The following ZNF804A variants were observed in gnomAD, a reference collection of about 807,000 sequenced individuals.
The protein encoded by ZNF804A is zinc finger protein 804A.
ZNF804A carries 2 observed loss-of-function variants against 16.5 expected under a neutral mutation model. The ratio of observed to expected loss-of-function variants is 0.12; its 90% confidence interval spans 0.05 to 0.38. The LOEUF is 0.38. ZNF804A is among the 10% of genes least tolerant of loss of function. The probability of loss-of-function intolerance (pLI) is 0.99; values close to 1 mark genes in which losing one functional copy is unlikely to be tolerated. For missense variants in ZNF804A, 1,473 were observed against 1,390.7 expected (o/e 1.06, Z -0.94); for synonymous variants, 534 against 489.6 (o/e 1.09, Z -1.20).
Position 184,654,749 on chromosome 2 carries a change from G to A in ZNF804A, c.111+55679G>A, listed in dbSNP as rs141305194. Among the ~76,000 whole-genome samples the A allele has an allele frequency of 5.1e-3, 770 of 152,272 alleles. 6 individuals are homozygous for A. Among genetic ancestry groups the A allele is most frequent in the Non-Finnish European group, 6.7e-3 (457 of 68,008 alleles). ...AAGCATATAGGATTCTGGATGTAAT[G>A]CATTGGAATAGCATCATGGTCATCA... is the stretch of plus-strand genomic sequence containing the variant. On this transcript the variant is annotated intron_variant, in intron 1 of 3. Coordinates refer to ENST00000302277, the MANE Select transcript of ZNF804A (RefSeq NM_194250.2).
chr2:184,705,683 A>G (rs1693016811), intron 1 of ZNF804A, among the ~76,000 whole-genome samples: 1 of 152,032 alleles, frequency 6.6e-6, no homozygotes, highest in Non-Finnish European at 1.5e-5. Context: ...TATATGGACT[A>G]TTTTTTAAGA....
At chr2:184,607,585 C>A (rs978022597) in intron 1 of ZNF804A, among the ~76,000 whole-genome samples, 5 of 152,142 alleles carry the variant, frequency 3.3e-5, no homozygotes, top group Admixed American at 2.0e-4. Context: ...CACCAGGTCC[C>A]CCCCTTCCAC....
At chr2:184,624,392 A>C (rs1691466540) in intron 1 of ZNF804A, among the ~76,000 whole-genome samples, 1 of 152,138 alleles carries the variant, frequency 6.6e-6, no homozygotes, top group Admixed American at 6.6e-5. Flanking sequence ...CTTTGATAAA[A>C]ATATAATTTT....
At chr2:184,773,370 GC>G (rs1042195399) in intron 1 of ZNF804A, among the ~76,000 whole-genome samples, 3 of 151,734 alleles carry the variant, frequency 2.0e-5, no homozygotes, top group Non-Finnish European at 4.4e-5. Flanking sequence ...GAGAATCAAT[GC>G]CTCTGGTCTC....
rs1685816245 is a variant in ZNF804A at position 184,937,709 on chromosome 2, A to G, written c.2313A>G (p.Lys771=). ...ATGAATCAGAAAGATTCTATCGAAA[A>G]CGTAGACAACATTCACATTCTTATT... ...VMNESERFYR[K]RRQHSHSYSS... The change falls in exon 4 of 4, where the codon AAA becomes AAG. Residue 771 remains lysine, a synonymous_variant. Coordinates refer to ENST00000302277, the MANE Select transcript of ZNF804A (RefSeq NM_194250.2). The G allele has an allele frequency of 1.2e-6, 2 of 1,613,952 alleles. No individual in the cohort carries two copies. The highest frequency in any genetic ancestry group is 2.2e-5 in the South Asian group (2 of 91,086).
chr2:184,877,766 G>A (rs959185967), intron 2 of ZNF804A, among the ~76,000 whole-genome samples: 2 of 151,894 alleles, frequency 1.3e-5, no homozygotes, highest in African/African-American at 4.8e-5. Flanking sequence ...AAAATGCCAA[G>A]GATCATGAGG....
At chr2:184,620,018 A>T (rs541613036) in intron 1 of ZNF804A, among the ~76,000 whole-genome samples, 1 of 151,824 alleles carries the variant, frequency 6.6e-6, no homozygotes, top group African/African-American at 2.4e-5. Context: ...TATATTTTGT[A>T]GGTTCTTAAC....
At chr2:184,902,565 C>G (rs912538821) in intron 2 of ZNF804A, 2 of 152,010 alleles carry the variant, frequency 1.3e-5, no homozygotes, top group Non-Finnish European at 2.9e-5. Flanking sequence ...ATGACCTTCC[C>G]CTTTTAGTGA....
chr2:184,910,689 A>G (rs1261084791), intron 2 of ZNF804A, among the ~76,000 whole-genome samples: 1 of 151,880 alleles, frequency 6.6e-6, no homozygotes, highest in Non-Finnish European at 1.5e-5. Flanking sequence ...GAGATGGTAT[A>G]TCATTGTGGT....
chr2:184,625,308 T>C (rs970586306), intron 1 of ZNF804A, among the ~76,000 whole-genome samples: 2 of 152,166 alleles, frequency 1.3e-5, no homozygotes, highest in Non-Finnish European at 2.9e-5. Flanking sequence ...TCATTAAGCA[T>C]TTTATTATTG....
chr2:184,843,170 A>G (rs1190215858), intron 1 of ZNF804A, among the ~76,000 whole-genome samples: 1 of 152,176 alleles, frequency 6.6e-6, no homozygotes, highest in African/African-American at 2.4e-5. Flanking sequence ...AGATCACTCC[A>G]TCCTTGAGTG....
chr2:184,851,593 G>T (rs915200803), intron 1 of ZNF804A, among the ~76,000 whole-genome samples: 1 of 151,884 alleles, frequency 6.6e-6, no homozygotes, highest in Non-Finnish European at 1.5e-5. Flanking sequence ...TGCATCTATG[G>T]AGGTTTAGGC....
At position 184,740,528 on chromosome 2, in the gene ZNF804A, T is replaced by G. The variant is rs1693695515; in HGVS notation, c.112-125841T>G. Among the ~76,000 whole-genome samples the G allele has an allele frequency of 2.0e-5, 3 of 152,202 alleles. No homozygotes were observed. The South Asian group carries it at 6.2e-4, about 32-fold the overall frequency. ...CTCAGGCATAGATTTATTAGTTTTTTCAAAATTATCTTTCCCTGTGATTAA... is the reference window on the plus strand; with the variant it reads ...CTCAGGCATAGATTTATTAGTTTTTGCAAAATTATCTTTCCCTGTGATTAA... On this transcript the variant is annotated intron_variant, in intron 1 of 3. Transcript: ENST00000302277.
chr2:184,620,522 T>C (rs1353126884), intron 1 of ZNF804A, among the ~76,000 whole-genome samples: 4 of 151,812 alleles, frequency 2.6e-5, no homozygotes, highest in Admixed American at 2.0e-4. Context: ...ATCTATTTAT[T>C]CATCAGATTG....
chr2:184,875,328 G>A (rs1043319979), intron 2 of ZNF804A, among the ~76,000 whole-genome samples: 1 of 152,114 alleles, frequency 6.6e-6, no homozygotes, highest in Non-Finnish European at 1.5e-5. Context: ...TTTATGAATG[G>A]CTTGGTGCCA....
intron 2 of ZNF804A, among the ~76,000 whole-genome samples, chr2:184,895,243 A>C (rs1652742044): frequency 6.6e-6 from 1 of 151,894 alleles, no homozygotes; most frequent in Middle Eastern, 3.4e-3. Context: ...TGTGTGAGAG[A>C]GAGAGAGAGA....
intron 2 of ZNF804A, among the ~76,000 whole-genome samples, chr2:184,931,889 T>C (rs1481697903): frequency 2.0e-5 from 3 of 152,180 alleles, no homozygotes; most frequent in Admixed American, 6.5e-5. Flanking sequence ...CAACAGCCCC[T>C]AACTCACCTC....
At chr2:184,649,507 A>G (rs948802575) in intron 1 of ZNF804A, among the ~76,000 whole-genome samples, 3 of 152,122 alleles carry the variant, frequency 2.0e-5, no homozygotes, top group Non-Finnish European at 4.4e-5. Flanking sequence ...GAAAGGATAA[A>G]CAAGATTGAT....
At chr2:184,742,728 A>G (rs1028937717) in intron 1 of ZNF804A, among the ~76,000 whole-genome samples, 6 of 151,596 alleles carry the variant, frequency 4.0e-5, no homozygotes, top group Non-Finnish European at 7.4e-5. Context: ...AAATAGATAA[A>G]TAAATATATA....
Sources: allele counts gnomAD v4.1 joint callset (sites outside exome capture counted in the v4.1 genomes callset), GRCh38; gene constraint gnomAD v4.1.1; transcripts MANE v1.5; gene names NCBI Gene and HGNC (gene_info 2026-07-23, HGNC 2026-07-21).